The following MLPH variants were observed in gnomAD, a reference collection of about 807,000 sequenced individuals.
The protein encoded by MLPH is melanophilin.
In MLPH, 51 loss-of-function variants were observed where a neutral mutation model predicts 72.1. The ratio of observed to expected loss-of-function variants is 0.71; its 90% CI spans 0.56 to 0.89. MLPH has a LOEUF of 0.89. Among genes scored for constraint, MLPH ranks in the 40% least tolerant of loss-of-function variants. The probability of loss-of-function intolerance (pLI) is 0.00; values close to 1 mark genes in which losing one functional copy is unlikely to be tolerated. For missense variants in MLPH, 743 were observed against 759.9 expected (o/e 0.98, Z 0.26); for synonymous variants, 301 against 310.1 (o/e 0.97, Z 0.31).
Position 237,510,307 on chromosome 2 carries a change from T to C in MLPH, c.111-267T>C, listed in dbSNP as rs1279216502. ...GTACAATTGTAAACAGCCACAGAAATGCTTAAATGCAATATCATTTCTATG... is the reference window on the plus strand; with the variant it reads ...GTACAATTGTAAACAGCCACAGAAACGCTTAAATGCAATATCATTTCTATG... On this transcript the variant is annotated intron_variant, in intron 2 of 15. Transcript: ENST00000264605. This position sits in a 1 kb window ranked among gnomAD's most constrained non-coding sequence, Gnocchi z 4.4. 2 of 525,822 alleles carry C rather than the reference T, an allele frequency of 3.8e-6. No homozygotes were observed. The highest frequency in any genetic ancestry group is 6.9e-5 in the East Asian group (2 of 29,188). 32.6% of individuals were successfully genotyped at this position (525,822 alleles called of 1,614,324 possible). A position where few individuals can be genotyped will look rare whatever the true frequency, so the allele number is the denominator to read the frequency against.
At chr2:237,521,548 C>A (rs1180723147) in intron 6 of MLPH, among the ~76,000 whole-genome samples, 2 of 152,072 alleles carry the variant, frequency 1.3e-5, no homozygotes. Flanking sequence ...CCAATTGTGA[C>A]TATTATAAGG....
At chr2:237,504,333 C>T (rs957157536) in intron 2 of MLPH, among the ~76,000 whole-genome samples, 1 of 152,212 alleles carries the variant, frequency 6.6e-6, no homozygotes, top group Non-Finnish European at 1.5e-5. Context: ...TCTCCTGTCT[C>T]AGCCTCCCAA....
intron 6 of MLPH, among the ~76,000 whole-genome samples, chr2:237,524,302 A>ATATATATATATATATATATATATATAT (rs2080253513): frequency 3.1e-5 from 4 of 127,380 alleles, no homozygotes; most frequent in African/African-American, 1.6e-4. Flanking sequence ...GAACTAATAG[A>ATATATATATATATATATATATATATAT]ATATATATAT....
chr2:237,530,350 C>T (rs1342199046), intron 8 of MLPH, among the ~76,000 whole-genome samples: 1 of 152,360 alleles, frequency 6.6e-6, no homozygotes, highest in South Asian at 2.1e-4. Context: ...TGTCACTTTG[C>T]TTCTGCACCC....
In MLPH at chr2:237,553,321, G is replaced by T. The variant is rs79363040; in HGVS notation, c.1777-245G>T. The stretch of plus-strand genomic sequence containing the variant: ...CCTTTTGTTCCTCAGGCATGGAGAG[G>T]TGGGGTTTTCATTTTGATTCAGTTC... On this transcript the variant is annotated intron_variant, in intron 15 of 15. Coordinates refer to ENST00000264605, the MANE Select transcript of MLPH (RefSeq NM_024101.7). 245 of 612,970 alleles carry T rather than the reference G, an allele frequency of 4.0e-4. 3 individuals carry two copies. The African/African-American group carries it at 4.2e-3, about 10-fold the overall frequency. 38.0% of individuals were successfully genotyped at this position (612,970 alleles called of 1,614,324 possible).
rs1014115298 is a variant in MLPH at position 237,554,356 on chromosome 2, T to A, written c.*764T>A. 1.2e-5 allele frequency: 2 copies of A among 161,018 alleles called. No homozygotes were observed. Among genetic ancestry groups the A allele is most frequent in the Admixed American group, 1.1e-4 (2 of 17,564 alleles). The allele number at this position is 161,018 out of a possible 1,614,324, so 10.0% of individuals were successfully genotyped here. On this transcript the variant is annotated 3_prime_UTR_variant, in exon 16 of 16. Coordinates refer to ENST00000264605, the MANE Select transcript of MLPH (RefSeq NM_024101.7). ...CTTGGTTCTAGCCTGGCTCTGCCCC[T>A]CACTGCAGTGGATCCAGTGGGGCAG...
At chr2:237,550,881 G>A (rs2081023825) in intron 14 of MLPH, among the ~76,000 whole-genome samples, 1 of 152,150 alleles carries the variant, frequency 6.6e-6, no homozygotes, top group African/African-American at 2.4e-5. Context: ...GAGGACAAGG[G>A]GCGATTCCTT....
At position 237,510,958 on chromosome 2, in the gene MLPH, C is replaced by A; in HGVS notation, c.333-31C>A. ...TGCAGGCCTGTGTACAGCACTCAGG[C>A]AGTGCCATGAGCCTGTGCTTGTCCC... is the stretch of plus-strand genomic sequence containing the variant. On this transcript the variant is annotated intron_variant, in intron 3 of 15. Coordinates refer to ENST00000264605, the MANE Select transcript of MLPH (RefSeq NM_024101.7). This position sits in a 1 kb window ranked among gnomAD's most constrained non-coding sequence, Gnocchi z 4.4. 6.3e-7 allele frequency: 1 copy of A among 1,586,846 alleles called. No individual in the cohort carries two copies. Among genetic ancestry groups the A allele is most frequent in the Non-Finnish European group, 8.7e-7 (1 of 1,155,766 alleles).
chr2:237,510,406 C>T lies in MLPH; in HGVS notation c.111-168C>T, dbSNP rs2079864498. ...AGCTCAGCCCTCAAAACAAAGATGC[C>T]TGTGTGGCTTTGCCCAACGTTGGGT... On this transcript the variant is annotated intron_variant, in intron 2 of 15. Transcript: ENST00000264605. This position sits in a 1 kb window ranked among gnomAD's most constrained non-coding sequence, Gnocchi z 4.4. 1 of 737,640 alleles carries T rather than the reference C, an allele frequency of 1.4e-6. No individual in the cohort carries two copies. Among genetic ancestry groups the T allele is most frequent in the East Asian group, 2.7e-5 (1 of 36,894 alleles). The allele number at this position is 737,640 out of a possible 1,614,324, so 45.7% of individuals were successfully genotyped here.
chr2:237,546,338 G>C (rs1410938086), intron 12 of MLPH: 2 of 493,282 alleles, frequency 4.1e-6, no homozygotes, highest in Non-Finnish European at 7.4e-6. Flanking sequence ...TTTTCCTTTA[G>C]CTTGGTGATT....
chr2:237,506,183 C>T (rs1403488916), intron 2 of MLPH, among the ~76,000 whole-genome samples: 1 of 152,200 alleles, frequency 6.6e-6, no homozygotes, highest in African/African-American at 2.4e-5. Context: ...ATATTTACCA[C>T]ATCAGAAATT....
At chr2:237,492,958 G>A (rs2106453463) in intron 1 of MLPH, among the ~76,000 whole-genome samples, 1 of 152,318 alleles carries the variant, frequency 6.6e-6, no homozygotes, top group Non-Finnish European at 1.5e-5. Flanking sequence ...AGCTGACTAT[G>A]AATTTGCTGT....
rs114784757 is a variant in MLPH at position 237,492,883 on chromosome 2, G to A, written c.-24-520G>A. Among the ~76,000 whole-genome samples the A allele has an allele frequency of 9.8e-3, 1,498 of 152,252 alleles. 25 individuals are homozygous for A. The highest frequency in any genetic ancestry group is 0.034 in the African/African-American group (1,409 of 41,540). On this transcript the variant is annotated intron_variant, in intron 1 of 15. Transcript: ENST00000264605. ...CACCTAGTGGGTCAGTCATCCAGGCGTCCCTGCCCACACAGAGCCTGCAGC... is the reference window on the plus strand; with the variant it reads ...CACCTAGTGGGTCAGTCATCCAGGCATCCCTGCCCACACAGAGCCTGCAGC...
rs562127817 is a variant in MLPH at position 237,510,809 on chromosome 2, T to A, written c.332+14T>A. 6.2e-7 allele frequency: 1 copy of A among 1,612,918 alleles called. No homozygotes were observed. On this transcript the variant is annotated intron_variant, in intron 3 of 15. Transcript: ENST00000264605. The surrounding 1 kb of genome is among the most constrained non-coding windows in gnomAD (Gnocchi z 4.4). ...CCATCTGGCCAGGTGAGCCCAGGCCTTGAGGTAAAATGACCTTGATAGTTT... is the reference window on the plus strand; with the variant it reads ...CCATCTGGCCAGGTGAGCCCAGGCCATGAGGTAAAATGACCTTGATAGTTT...
intron 2 of MLPH, among the ~76,000 whole-genome samples, chr2:237,497,802 C>T (rs1272540900): frequency 2.6e-5 from 4 of 152,214 alleles, no homozygotes; most frequent in Admixed American, 6.5e-5. Flanking sequence ...CACAGAATCC[C>T]GTTCTCTGTA....
chr2:237,510,449 G>A lies in MLPH; in HGVS notation c.111-125G>A, dbSNP rs1051314157. 129 of 965,520 alleles carry A rather than the reference G, an allele frequency of 1.3e-4. No individual in the cohort carries two copies. Among genetic ancestry groups the A allele is most frequent in the South Asian group, 6.9e-4 (49 of 71,508 alleles). The allele number at this position is 965,520 out of a possible 1,614,324, so 59.8% of individuals were successfully genotyped here. ...CGTTGGGTCACTGTTTTCTGCATAG[G>A]AGACAGTTACTGTGTGTGTGTATGT... On this transcript the variant is annotated intron_variant, in intron 2 of 15. Transcript: ENST00000264605. This position sits in a 1 kb window ranked among gnomAD's most constrained non-coding sequence, Gnocchi z 4.4.
chr2:237,530,904 C>A (rs533707076), intron 8 of MLPH, among the ~76,000 whole-genome samples: 1 of 152,342 alleles, frequency 6.6e-6, no homozygotes, highest in African/African-American at 2.4e-5. Flanking sequence ...AGTGCTGCAG[C>A]AGTCAAGCCT....
intron 8 of MLPH, among the ~76,000 whole-genome samples, chr2:237,529,452 C>T (rs1314658903): frequency 1.3e-5 from 2 of 152,198 alleles, no homozygotes; most frequent in African/African-American, 2.4e-5. Flanking sequence ...AATAATTCAT[C>T]ACAAGATTCA....
intron 4 of MLPH, among the ~76,000 whole-genome samples, chr2:237,517,718 T>TGGGTGGATGTGTAGGTG (rs2080076194): frequency 1.7e-5 from 2 of 115,074 alleles, no homozygotes; most frequent in Admixed American, 1.6e-4. Context: ...GATGGATGGA[T>TGGGTGGATGTGTAGGTG]AAGTAAGTGG....
Sources: gnomAD v4.1 joint callset for allele counts (sites outside exome capture counted in the v4.1 genomes callset) on GRCh38, gnomAD v4.1.1 for gene constraint, Gnocchi (gnomAD v3.1) non-coding constraint, MANE v1.5 for transcripts, NCBI Gene and HGNC (gene_info 2026-07-23, HGNC 2026-07-21) for gene names.